Variants in TM9SF3 observed in about 807,000 individuals in gnomAD.
TM9SF3 encodes the protein transmembrane 9 superfamily member 3.
Under a neutral mutation model 78.6 loss-of-function variants are expected in TM9SF3, and 14 were observed. That is an observed-to-expected ratio of 0.18 (90% CI 0.12 to 0.28). The LOEUF (loss-of-function observed/expected upper bound fraction) is 0.28. Ranked by LOEUF, TM9SF3 falls within the 10% of genes least tolerant of loss-of-function variation. The pLI is 1.00. For synonymous variants in TM9SF3, 231 were observed against 241.7 expected (o/e 0.96, Z 0.41); for missense variants, 496 against 721.9 (o/e 0.69, Z 3.59).
intron 9 of TM9SF3, among the ~76,000 whole-genome samples, chr10:96,539,242 G>C (rs144750050): frequency 6.6e-6 from 1 of 152,266 alleles, no homozygotes; most frequent in African/African-American, 2.4e-5. Flanking sequence ...AGGCCAAGAT[G>C]GGTGGATCAC....
chr10:96,553,329 T>C (rs1848196243), intron 5 of TM9SF3, among the ~76,000 whole-genome samples: 1 of 152,186 alleles, frequency 6.6e-6, no homozygotes, highest in Non-Finnish European at 1.5e-5. Context: ...AAACAAAAAG[T>C]ACAATTTGGC....
At position 96,586,993 on chromosome 10, in the gene TM9SF3, C is replaced by G. The variant is rs1324387985; in HGVS notation, c.-158G>C. ...CCGCTGCCTCCTCTGCCGCCGCCGT[C>G]GCCGTCACCGCCCGCTCCTGAGCCT... is the stretch of plus-strand genomic sequence containing the variant. On this transcript the variant is annotated 5_prime_UTR_variant, in exon 1 of 15. Transcript: ENST00000371142. The G allele has an allele frequency of 4.9e-6, 2 of 410,056 alleles. No individual in the cohort carries two copies. The highest frequency in any genetic ancestry group is 7.3e-6 in the Non-Finnish European group (2 of 275,000). The allele number at this position is 410,056 out of a possible 1,614,324, so 25.4% of individuals were successfully genotyped here.
rs1848642152 is a variant in TM9SF3 at position 96,586,954 on chromosome 10, G to A, written c.-119C>T. On this transcript the variant is annotated 5_prime_UTR_variant, in exon 1 of 15. Transcript: ENST00000371142. ...ATCCACGGGGCGCGGACAGACGCACGGGGCCCGGCCCAGCCGCTGCCTCCT... is the reference window on the plus strand; with the variant it reads ...ATCCACGGGGCGCGGACAGACGCACAGGGCCCGGCCCAGCCGCTGCCTCCT... 2.5e-6 allele frequency: 2 copies of A among 813,728 alleles called. No individual in the cohort carries two copies. The highest frequency in any genetic ancestry group is 3.1e-6 in the Non-Finnish European group (2 of 637,522). The allele number at this position is 813,728 out of a possible 1,614,324, so 50.4% of individuals were successfully genotyped here.
chr10:96,547,886 G>C lies in TM9SF3; in HGVS notation c.1054+9C>G, dbSNP rs369995315. ...AATTAACAACATGAAGTGAGAATTCGTAAGTTACCTCCTTGTCTAGCATAC... is the reference window on the plus strand; with the variant it reads ...AATTAACAACATGAAGTGAGAATTCCTAAGTTACCTCCTTGTCTAGCATAC... On this transcript the variant is annotated intron_variant, in intron 8 of 14. Coordinates refer to ENST00000371142, the MANE Select transcript of TM9SF3 (RefSeq NM_020123.4). The C allele has an allele frequency of 6.3e-7, 1 of 1,593,438 alleles. No homozygotes were observed. Among genetic ancestry groups the C allele is most frequent in the East Asian group, 2.2e-5 (1 of 44,682 alleles).
intron 5 of TM9SF3, among the ~76,000 whole-genome samples, chr10:96,557,967 C>T (rs992575462): frequency 5.9e-5 from 9 of 152,308 alleles, no homozygotes; most frequent in African/African-American, 1.9e-4. Flanking sequence ...GGGTATAGAT[C>T]TTTGCCTTTA....
chr10:96,582,882 C>T (rs1056226831), intron 1 of TM9SF3, among the ~76,000 whole-genome samples: 7 of 151,874 alleles, frequency 4.6e-5, no homozygotes, highest in African/African-American at 1.7e-4. Context: ...GAGTTCAAGA[C>T]CAGCTGACCA....
chr10:96,586,393 C>T (rs184561307), intron 1 of TM9SF3, among the ~76,000 whole-genome samples: 40 of 152,278 alleles, frequency 2.6e-4, no homozygotes, highest in African/African-American at 8.9e-4. Context: ...CCCAGCCTGC[C>T]CGTTGCCCCG....
rs976844402 is a variant in TM9SF3 at position 96,545,244 on chromosome 10, A to G, written c.1055-1038T>C. Among the ~76,000 whole-genome samples the G allele has an allele frequency of 7.2e-5, 11 of 152,332 alleles. No individual in the cohort carries two copies. In the East Asian group the frequency reaches 2.1e-3, roughly 29 times the overall value. On this transcript the variant is annotated intron_variant, in intron 8 of 14. Transcript: ENST00000371142. Reference sequence around the variant, plus strand: ...AACACTGAATCACTATCAAAATTCAATTCCACAATCATAAGCAACAGGGAC... The same window carrying G: ...AACACTGAATCACTATCAAAATTCAGTTCCACAATCATAAGCAACAGGGAC...
chr10:96,565,492 A>G (rs76586642), intron 2 of TM9SF3, 66 bp from the exon 3 acceptor site: 1 of 1,450,056 alleles, frequency 6.9e-7, no homozygotes. Context: ...AAAAAAAAAA[A>G]GACAAGAAAA....
intron 11 of TM9SF3, among the ~76,000 whole-genome samples, chr10:96,528,488 C>T (rs1343330393): frequency 1.3e-5 from 2 of 151,894 alleles, no homozygotes; most frequent in Admixed American, 6.6e-5. Flanking sequence ...CTAAAAAATC[C>T]GTATTTGTAT....
At chr10:96,560,867 C>T (rs1465568884) in intron 4 of TM9SF3, 2 of 537,036 alleles carry the variant, frequency 3.7e-6, no homozygotes, top group Non-Finnish European at 7.3e-6. Context: ...CCAAAAGGAC[C>T]TAGTTCTGTA....
intron 1 of TM9SF3, among the ~76,000 whole-genome samples, chr10:96,583,424 C>T (rs1848596390): frequency 6.6e-6 from 1 of 152,230 alleles, no homozygotes; most frequent in African/African-American, 2.4e-5. Flanking sequence ...TCAGAAACAA[C>T]TCATCATGGA....
intron 6 of TM9SF3, among the ~76,000 whole-genome samples, chr10:96,552,570 A>C (rs771337234): frequency 6.6e-6 from 1 of 152,208 alleles, no homozygotes; most frequent in Non-Finnish European, 1.5e-5. Context: ...TGAACCCACT[A>C]AACTGAACAT....
rs138780953 is a variant in TM9SF3, at chr10:96,576,713, G to A, written c.219C>T (p.Ile73=). 6.2e-6 allele frequency: 10 copies of A among 1,611,422 alleles called. No homozygotes were observed. In the African/African-American group the frequency reaches 1.3e-4, roughly 22 times the overall value. The stretch of plus-strand genomic sequence containing the variant: ...CTCCCAGAGTTTCATGGTAATGACT[G>A]ATACTTTTTTTTGACCCCACACAGA... ...LPFCVGSKKS[I]SHYHETLGEA... Residue 73 remains isoleucine (I), a synonymous_variant, in exon 2 of 15, where the codon ATC becomes ATT. Coordinates refer to ENST00000371142, the MANE Select transcript of TM9SF3 (RefSeq NM_020123.4).
Position 96,521,071 on chromosome 10 carries a change from AGT to A in TM9SF3, c.*1190_*1191del. The A allele has an allele frequency of 2.6e-6, 1 of 389,704 alleles. No individual in the cohort carries two copies. Among genetic ancestry groups the A allele is most frequent in the Non-Finnish European group, 4.6e-6 (1 of 219,710 alleles). The allele number at this position is 389,704 out of a possible 1,614,324, so 24.1% of individuals were successfully genotyped here. A position where few individuals can be genotyped will look rare whatever the true frequency, so the allele number is the denominator to read the frequency against. On this transcript the variant is annotated 3_prime_UTR_variant, in exon 15 of 15. Transcript: ENST00000371142. The stretch of plus-strand genomic sequence containing the variant: ...GTCCCAGACAGGATTAACAAAATTA[AGT>A]GTCTCTAAATTACAAATTTGGCTCC...
chr10:96,579,081 A>G (rs995453800), intron 1 of TM9SF3, among the ~76,000 whole-genome samples: 10 of 152,210 alleles, frequency 6.6e-5, no homozygotes, highest in Admixed American at 3.9e-4. Flanking sequence ...CAGTCTCACA[A>G]GAAGAACCTA....
At chr10:96,586,515 A>C (rs1045076081) in intron 1 of TM9SF3, among the ~76,000 whole-genome samples, 6 of 151,642 alleles carry the variant, frequency 4.0e-5, no homozygotes, top group Non-Finnish European at 5.9e-5. Flanking sequence ...CGGGGGAAGG[A>C]GACCCTGTCA....
chr10:96,549,526 AT>A (rs1389520755), intron 7 of TM9SF3, among the ~76,000 whole-genome samples: 1 of 152,124 alleles, frequency 6.6e-6, no homozygotes. Flanking sequence ...GAAATAGAAT[AT>A]TTCCTTCATA....
chr10:96,582,624 C>G (rs1323716591), intron 1 of TM9SF3, among the ~76,000 whole-genome samples: 1 of 152,084 alleles, frequency 6.6e-6, no homozygotes, highest in East Asian at 1.9e-4. Flanking sequence ...TCATTTCAAA[C>G]AACATGTCTG....
Sources: allele counts gnomAD v4.1 joint callset (sites outside exome capture counted in the v4.1 genomes callset), GRCh38; gene constraint gnomAD v4.1.1; transcripts MANE v1.5; gene names NCBI Gene and HGNC (gene_info 2026-07-23, HGNC 2026-07-21).